The following ANKRD29 variants were observed in gnomAD, a reference collection of about 807,000 sequenced individuals.
The protein encoded by ANKRD29 is ankyrin repeat domain-containing protein 29.
Under a neutral mutation model 38.0 loss-of-function variants are expected in ANKRD29, and 32 were observed. The ratio of observed to expected loss-of-function variants is 0.84; its 90% CI spans 0.64 to 1.13. ANKRD29 has a LOEUF of 1.13. ANKRD29 is among the 50% of genes most tolerant of loss of function. ANKRD29 has a pLI of 0.00. For missense variants in ANKRD29, 357 were observed against 377.9 expected, an observed-to-expected ratio of 0.94 and a Z score of 0.46; for synonymous variants, 135 against 152.4, an observed-to-expected ratio of 0.89 and a Z score of 0.84.
In ANKRD29 at chr18:23,634,086, G is replaced by T. The variant is rs779984575; in HGVS notation, c.394C>A (p.Leu132Met). Residue 132 changes from leucine to methionine, a missense_variant, in exon 5 of 10, where the codon CTG becomes ATG. Leu to Met is a conservative substitution (Grantham distance 15). Transcript: ENST00000592179. ...TCATGGATGTTTGCTCCGTGCTTCA[G>T]CAAGGTCTCCACCACCTGCATGTGC... ...YGHMQVVETL[L>M]KHGANIHDQL... 1 of 1,614,160 alleles carries T rather than the reference G, an allele frequency of 6.2e-7. No individual in the cohort carries two copies. The highest frequency in any genetic ancestry group is 2.2e-5 in the East Asian group (1 of 44,886).
rs539371544 is a variant in ANKRD29 at position 23,618,390 on chromosome 18, G to A, written c.628-563C>T. Among the ~76,000 whole-genome samples, 20 of 152,306 alleles carry A rather than the reference G, an allele frequency of 1.3e-4. No individual in the cohort carries two copies. In the East Asian group the frequency reaches 1.7e-3, roughly 13 times the overall value. On this transcript the variant is annotated intron_variant, in intron 7 of 9. Transcript: ENST00000592179. ...TAATTCTAGCACTTTGGAAGGCCAA[G>A]GCAGGAGGGTCACTTGAAACCCCGT...
At chr18:23,649,598 G>T (rs1225813479) in intron 1 of ANKRD29, 2 of 473,696 alleles carry the variant, frequency 4.2e-6, no homozygotes, top group Non-Finnish European at 8.4e-6. Flanking sequence ...CTCTAAGTGG[G>T]GCAAAATTTC....
Position 23,629,763 on chromosome 18 carries a change from G to T in ANKRD29, c.528+90C>A. 4.0e-6 allele frequency: 4 copies of T among 1,003,022 alleles called. No individual in the cohort carries two copies. The South Asian group carries it at 4.2e-5, about 10-fold the overall frequency. 62.1% of individuals were successfully genotyped at this position (1,003,022 alleles called of 1,614,324 possible). A position where few individuals can be genotyped will look rare whatever the true frequency, so the allele number is the denominator to read the frequency against. ...GTTTAAAGGATGCCTTGAGCTTACT[G>T]GTTATCTCAGGTATGTGCTGCCAGC... is the stretch of plus-strand genomic sequence containing the variant. On this transcript the variant is annotated intron_variant, in intron 6 of 9. Coordinates refer to ENST00000592179, the MANE Select transcript of ANKRD29 (RefSeq NM_173505.4).
At chr18:23,662,613 G>GGCCCC in intron 1 of ANKRD29, 97 bp downstream of exon 1, 5 of 403,938 alleles carry the variant, frequency 1.2e-5, no homozygotes, top group East Asian at 8.8e-5. Flanking sequence ...AGCGGGCAGC[G>GGCCCC]CCCACCCCAT....
chr18:23,626,084 T>G (rs1408663696), intron 6 of ANKRD29, among the ~76,000 whole-genome samples: 1 of 152,204 alleles, frequency 6.6e-6, no homozygotes, highest in African/African-American at 2.4e-5. Flanking sequence ...CCTATGGCTG[T>G]CTGTTCCCAT....
rs3083465 is a variant in ANKRD29, at chr18:23,637,994, CT to C, written c.330+854del. The stretch of plus-strand genomic sequence containing the variant: ...TGTCAAAAATGAAAATCAATTACTT[CT>C]TTTTTTTTTTTTTTTTTTTTGAGAC... On this transcript the variant is annotated intron_variant, in intron 4 of 9. Transcript: ENST00000592179. Among the ~76,000 whole-genome samples, 566 of 98,022 alleles carry C rather than the reference CT, an allele frequency of 5.8e-3. 3 individuals carry two copies. The highest frequency in any genetic ancestry group is 0.036 in the East Asian group (124 of 3,432). The allele number at this position is 98,022 out of a possible 152,430, so 64.3% of individuals were successfully genotyped here.
intron 6 of ANKRD29, among the ~76,000 whole-genome samples, chr18:23,621,575 G>A (rs1056883059): frequency 9.9e-5 from 15 of 152,156 alleles, no homozygotes; most frequent in African/African-American, 3.1e-4. Flanking sequence ...ATATTATCAT[G>A]AGCAATTTGT....
chr18:23,606,725 C>T (rs1285513913), intron 9 of ANKRD29, among the ~76,000 whole-genome samples: 1 of 152,126 alleles, frequency 6.6e-6, no homozygotes, highest in East Asian at 1.9e-4. Context: ...TGTGGCCAGG[C>T]ATGGTGGCTC....
chr18:23,662,741 G>T lies in ANKRD29; in HGVS notation c.-11C>A, dbSNP rs1598560886. 11 of 1,462,544 alleles carry T rather than the reference G, an allele frequency of 7.5e-6. No individual in the cohort carries two copies. In the South Asian group the frequency reaches 1.3e-4, roughly 17 times the overall value. The allele number at this position is 1,462,544 out of a possible 1,614,324, so 90.6% of individuals were successfully genotyped here. A position where few individuals can be genotyped will look rare whatever the true frequency, so the allele number is the denominator to read the frequency against. ...GGACATCCTGCACATGTCCGCGGCC[G>T]CCCGAGCGGGAGCCGGCGCGCTTTG... On this transcript the variant is annotated 5_prime_UTR_variant, in exon 1 of 10. Transcript: ENST00000592179.
chr18:23,651,946 G>T (rs1269165873), intron 1 of ANKRD29, among the ~76,000 whole-genome samples: 1 of 152,224 alleles, frequency 6.6e-6, no homozygotes, highest in Non-Finnish European at 1.5e-5. Context: ...TGCAGGAGAG[G>T]AGGGAATAGG....
At chr18:23,616,604 CTA>C (rs1164175762) in intron 8 of ANKRD29, among the ~76,000 whole-genome samples, 36 of 131,286 alleles carry the variant, frequency 2.7e-4, no homozygotes, top group South Asian at 4.9e-4. Flanking sequence ...ACTATATATA[CTA>C]TATATATAGT....
intron 6 of ANKRD29, among the ~76,000 whole-genome samples, chr18:23,621,747 T>C (rs975024976): frequency 6.6e-6 from 1 of 152,160 alleles, no homozygotes; most frequent in Non-Finnish European, 1.5e-5. Flanking sequence ...TGATCAAGGC[T>C]CACTGTAGCC....
At chr18:23,661,093 T>C (rs948149384) in intron 1 of ANKRD29, among the ~76,000 whole-genome samples, 1 of 152,252 alleles carries the variant, frequency 6.6e-6, no homozygotes. Flanking sequence ...TGACAGCACA[T>C]GCTTCTGAGT....
chr18:23,629,819 A>G lies in ANKRD29; in HGVS notation c.528+34T>C, dbSNP rs1407270428. ...CCCAGCCCTCCCTGCCCCATGCGCC[A>G]TGTGCTCGGGCAAATGTCAACAGTG... On this transcript the variant is annotated intron_variant, in intron 6 of 9. Transcript: ENST00000592179. The G allele has an allele frequency of 2.5e-6, 4 of 1,592,110 alleles. No individual in the cohort carries two copies. In the African/African-American group the frequency reaches 5.4e-5, roughly 21 times the overall value.
At position 23,646,246 on chromosome 18, in the gene ANKRD29, G is replaced by A. The variant is rs757098848; in HGVS notation, c.174C>T (p.His58=). ...TLLMVAAYAG[H]IDCVRELVLQ... The stretch of plus-strand genomic sequence containing the variant: ...GAACCAGTTCCCTCACACAGTCTAT[G>A]TGGCCAGCGTAGGCAGCAACCATCA... Residue 58 remains histidine (H), a synonymous_variant, in exon 3 of 10, where the codon CAC becomes CAT. Transcript: ENST00000592179. 1.1e-5 allele frequency: 17 copies of A among 1,614,130 alleles called. No homozygotes were observed. Among genetic ancestry groups the A allele is most frequent in the Admixed American group, 1.7e-5 (1 of 60,024 alleles).
At chr18:23,611,194 T>A (rs192181628) in intron 9 of ANKRD29, among the ~76,000 whole-genome samples, 61 of 152,332 alleles carry the variant, frequency 4.0e-4, no homozygotes, top group African/African-American at 1.4e-3. Flanking sequence ...TGGCATGTAC[T>A]CCTGTTAACA....
At chr18:23,627,233 T>C (rs2059872880) in intron 6 of ANKRD29, among the ~76,000 whole-genome samples, 1 of 152,222 alleles carries the variant, frequency 6.6e-6, no homozygotes, top group African/African-American at 2.4e-5. Flanking sequence ...GGGGTGAGTG[T>C]ACTCTGTAAA....
rs138753974 is a variant in ANKRD29 at position 23,632,981 on chromosome 18, C to G, written c.429+1070G>C. Among the ~76,000 whole-genome samples, 500 of 152,208 alleles carry G rather than the reference C, an allele frequency of 3.3e-3. 1 individual carries two copies. Among genetic ancestry groups the G allele is most frequent in the Non-Finnish European group, 5.5e-3 (373 of 68,026 alleles). The stretch of plus-strand genomic sequence containing the variant: ...ATTACATGTCTATGAAAGTATAGTG[C>G]CCCAGGCATAAGGGTTAAATGCCTA... On this transcript the variant is annotated intron_variant, in intron 5 of 9. Coordinates refer to ENST00000592179, the MANE Select transcript of ANKRD29 (RefSeq NM_173505.4).
chr18:23,648,960 T>C, intron 2 of ANKRD29, 123 bp downstream of exon 2: 1 of 813,730 alleles, frequency 1.2e-6, no homozygotes, highest in Non-Finnish European at 2.0e-6. Flanking sequence ...TTAAAAAGGA[T>C]AAAGCAAGCA....
Sources: allele counts gnomAD v4.1 joint callset (sites outside exome capture counted in the v4.1 genomes callset), GRCh38; gene constraint gnomAD v4.1.1; transcripts MANE v1.5; gene names NCBI Gene and HGNC (gene_info 2026-07-23, HGNC 2026-07-21).